Variants in ROR1 observed in about 807,000 individuals in gnomAD.
ROR1 encodes the protein ROR family WNT receptor 1.
In ROR1, 19 loss-of-function variants were observed where a neutral mutation model predicts 78.8. The observed-to-expected ratio is 0.24, with a 90% CI of 0.17 to 0.35. The LOEUF (loss-of-function observed/expected upper bound fraction) is 0.35, where lower values mean the gene tolerates loss of function less well. ROR1 is among the 10% of genes least tolerant of loss of function. The pLI is 1.00. For synonymous variants in ROR1, 386 were observed against 433.6 expected, an observed-to-expected ratio of 0.89 and a Z score of 1.36; for missense variants, 917 against 1,177.8, an observed-to-expected ratio of 0.78 and a Z score of 3.24.
At chr1:64,039,520 AATACACACG>A (rs1385278208) in intron 2 of ROR1, among the ~76,000 whole-genome samples, 4 of 152,188 alleles carry the variant, frequency 2.6e-5, no homozygotes, top group Admixed American at 6.5e-5. Context: ...GGGTAGTGAA[AATACACACG>A]GACTTTGTCT....
rs114175267 is a variant in ROR1, at chr1:64,109,670, G to A, written c.483-27699G>A. ...AGCCTCCCAAGTAGCTTGGACTACA[G>A]ACACACACCAGCATGCCCAGCTAAT... On this transcript the variant is annotated intron_variant, in intron 4 of 8. Coordinates refer to ENST00000371079, the MANE Select transcript of ROR1 (RefSeq NM_005012.4). Among the ~76,000 whole-genome samples the A allele has an allele frequency of 2.0e-3, 306 of 152,220 alleles. 1 individual carries two copies. Among genetic ancestry groups the A allele is most frequent in the African/African-American group, 7.2e-3 (299 of 41,548 alleles).
At chr1:63,868,967 T>C (rs1015396505) in intron 1 of ROR1, among the ~76,000 whole-genome samples, 1 of 152,250 alleles carries the variant, frequency 6.6e-6, no homozygotes, top group Admixed American at 6.5e-5. Context: ...TGAATCCCAG[T>C]GCCAACAGTT....
intron 1 of ROR1, among the ~76,000 whole-genome samples, chr1:63,806,725 A>G (rs1212379212): frequency 6.6e-6 from 1 of 152,120 alleles, no homozygotes; most frequent in Non-Finnish European, 1.5e-5. Flanking sequence ...CCATTTTAGA[A>G]TACTGTGACC....
At chr1:63,790,536 A>G (rs1245837081) in intron 1 of ROR1, among the ~76,000 whole-genome samples, 1 of 152,270 alleles carries the variant, frequency 6.6e-6, no homozygotes, top group East Asian at 1.9e-4. Flanking sequence ...GCTGCTATAA[A>G]TTAGGGTCAC....
At chr1:64,013,816 T>C (rs1057479094) in intron 2 of ROR1, among the ~76,000 whole-genome samples, 11 of 152,392 alleles carry the variant, frequency 7.2e-5, no homozygotes, top group Non-Finnish European at 8.8e-5. Context: ...TGCCTGCCTC[T>C]TTAAAGTCAG....
chr1:64,047,101 G>A (rs1646790731), intron 2 of ROR1, among the ~76,000 whole-genome samples: 1 of 152,094 alleles, frequency 6.6e-6, no homozygotes, highest in Non-Finnish European at 1.5e-5. Context: ...GTAACCATGG[G>A]GCAAGTCTGC....
intron 1 of ROR1, among the ~76,000 whole-genome samples, chr1:63,998,128 G>A (rs1032614220): frequency 6.6e-6 from 1 of 152,054 alleles, no homozygotes. Context: ...GGATCATTTA[G>A]TAGTCAGGCA....
rs144737364 is a variant in ROR1 at position 64,103,115 on chromosome 1, C to T, written c.483-34254C>T. 3.2e-3 allele frequency among the ~76,000 whole-genome samples: 483 copies of T among 152,236 alleles called. 5 individuals are homozygous for T. The highest frequency in any genetic ancestry group is 0.011 in the African/African-American group (453 of 41,536). On this transcript the variant is annotated intron_variant, in intron 4 of 8. Coordinates refer to ENST00000371079, the MANE Select transcript of ROR1 (RefSeq NM_005012.4). The stretch of plus-strand genomic sequence containing the variant: ...AATAGGAAACAGGCTAAAAAAGCAG[C>T]AGGAAGATGTTAGGTTCGCTATGGA...
chr1:63,977,259 C>T (rs977889749), intron 1 of ROR1, among the ~76,000 whole-genome samples: 2 of 152,182 alleles, frequency 1.3e-5, no homozygotes, highest in Non-Finnish European at 2.9e-5. Flanking sequence ...ACCATATCAA[C>T]ACCTTACACA....
intron 4 of ROR1, among the ~76,000 whole-genome samples, chr1:64,119,161 T>C (rs1252874542): frequency 2.0e-5 from 3 of 152,210 alleles, no homozygotes; most frequent in African/African-American, 7.2e-5. Context: ...TAGAATGCTA[T>C]ACGTGCACAA....
intron 1 of ROR1, among the ~76,000 whole-genome samples, chr1:63,973,624 C>A (rs563090321): frequency 6.6e-6 from 1 of 152,158 alleles, no homozygotes; most frequent in Non-Finnish European, 1.5e-5. Flanking sequence ...AATATTGGGA[C>A]ACAGGGTGGC....
chr1:63,981,600 T>C (rs535201465), intron 1 of ROR1, among the ~76,000 whole-genome samples: 38 of 152,174 alleles, frequency 2.5e-4, no homozygotes, highest in Admixed American at 2.2e-3. Context: ...CTGCAGTGAG[T>C]CAAGGCTGCT....
chr1:64,052,577 G>A (rs1056515515), intron 4 of ROR1, among the ~76,000 whole-genome samples: 2 of 152,138 alleles, frequency 1.3e-5, no homozygotes, highest in Non-Finnish European at 2.9e-5. Context: ...TTATACCCCT[G>A]TTGTGAACCG....
chr1:63,860,616 C>A (rs1406929460), intron 1 of ROR1, among the ~76,000 whole-genome samples: 2 of 146,884 alleles, frequency 1.4e-5, no homozygotes, highest in African/African-American at 2.5e-5. Flanking sequence ...TACACACACA[C>A]AAAATAGCCA....
rs566036182 is a variant in ROR1, at chr1:64,023,399, G to A, written c.163+14023G>A. Among the ~76,000 whole-genome samples, 14 of 152,274 alleles carry A rather than the reference G, an allele frequency of 9.2e-5. No homozygotes were observed. In the South Asian group the frequency reaches 2.9e-3, roughly 32 times the overall value. ...AACAGCTTGGGTCCTCTTTCCCAGGGCCAGTTGAGGCAGGAGACTAATAGC... is the reference window on the plus strand; with the variant it reads ...AACAGCTTGGGTCCTCTTTCCCAGGACCAGTTGAGGCAGGAGACTAATAGC... On this transcript the variant is annotated intron_variant, in intron 2 of 8. Transcript: ENST00000371079.
chr1:64,074,312 T>C (rs991039944), intron 4 of ROR1, among the ~76,000 whole-genome samples: 3 of 152,210 alleles, frequency 2.0e-5, no homozygotes, highest in African/African-American at 7.2e-5. Context: ...CTTTTTCAGC[T>C]TCTGCAAGGT....
intron 8 of ROR1, among the ~76,000 whole-genome samples, chr1:64,165,057 G>T (rs1421481172): frequency 6.6e-6 from 1 of 152,162 alleles, no homozygotes; most frequent in East Asian, 1.9e-4. Context: ...TAGTGCTGCA[G>T]TGAACGTATA....
intron 4 of ROR1, chr1:64,105,728 C>G (rs534985949): frequency 6.6e-6 from 1 of 152,050 alleles, no homozygotes; most frequent in African/African-American, 2.4e-5. Flanking sequence ...ATTTCCCGAT[C>G]GCTTGTTTTT....
Position 64,154,957 on chromosome 1 carries a change from A to G in ROR1, c.1175-4024A>G, listed in dbSNP as rs144067415. ...TAAAATAGTATGATTCCCACCAGAT[A>G]TTAGTCTTCATTGAAAGAGAACTTC... On this transcript the variant is annotated intron_variant, in intron 7 of 8. Coordinates refer to ENST00000371079, the MANE Select transcript of ROR1 (RefSeq NM_005012.4). Among the ~76,000 whole-genome samples, 352 of 152,332 alleles carry G rather than the reference A, an allele frequency of 2.3e-3. 1 individual carries two copies. Among genetic ancestry groups the G allele is most frequent in the African/African-American group, 8.2e-3 (342 of 41,580 alleles).
Sources: gnomAD v4.1 joint callset for allele counts (sites outside exome capture counted in the v4.1 genomes callset) on GRCh38, gnomAD v4.1.1 for gene constraint, MANE v1.5 for transcripts, NCBI Gene and HGNC (gene_info 2026-07-23, HGNC 2026-07-21) for gene names.